PLXDC2: variants seen among roughly 807,000 people sequenced by gnomAD.
The protein encoded by PLXDC2 is plexin domain containing 2, also known as plexin domain-containing protein 2.
Under a neutral mutation model 68.9 loss-of-function variants are expected in PLXDC2, and 40 were observed. That is an observed-to-expected ratio of 0.58 (90% confidence interval 0.45 to 0.76). The LOEUF (loss-of-function observed/expected upper bound fraction) is 0.76. Ranked by LOEUF, PLXDC2 falls within the 30% of genes least tolerant of loss-of-function variation. The pLI is 0.00. For missense variants in PLXDC2, 644 were observed against 661.9 expected (o/e 0.97, Z 0.30); for synonymous variants, 243 against 234.2 (o/e 1.04, Z -0.34).
chr10:19,906,206 G>A (rs1197807729), intron 1 of PLXDC2, among the ~76,000 whole-genome samples: 1 of 152,100 alleles, frequency 6.6e-6, no homozygotes, highest in Non-Finnish European at 1.5e-5. Context: ...ATGCGTGTGT[G>A]TTGTAAGATG....
chr10:19,942,690 G>A (rs372832875), intron 1 of PLXDC2, among the ~76,000 whole-genome samples: 96 of 152,144 alleles, frequency 6.3e-4, no homozygotes, highest in Non-Finnish European at 1.2e-3. Flanking sequence ...CTTGAACCTG[G>A]GAGGCGGAGG....
intron 12 of PLXDC2, among the ~76,000 whole-genome samples, chr10:20,244,842 GC>G (rs1443821077): frequency 1.3e-5 from 2 of 152,186 alleles, no homozygotes; most frequent in African/African-American, 4.8e-5. Context: ...CAGGCCAGGT[GC>G]GGTGGCTCAC....
chr10:20,047,273 G>T lies in PLXDC2; in HGVS notation c.471+258G>T, dbSNP rs564908225. 1.6e-4 allele frequency among the ~76,000 whole-genome samples: 24 copies of T among 152,226 alleles called. No homozygotes were observed. The South Asian group carries it at 5.0e-3, about 32-fold the overall frequency. The stretch of plus-strand genomic sequence containing the variant: ...AACCAATTTTCTCAGTATATCTGAT[G>T]AATGTATATTGGATTCTAAATTGAG... On this transcript the variant is annotated intron_variant, in intron 3 of 13. Coordinates refer to ENST00000377252, the MANE Select transcript of PLXDC2 (RefSeq NM_032812.9).
At chr10:20,006,483 T>A (rs1835030401) in intron 2 of PLXDC2, among the ~76,000 whole-genome samples, 3 of 152,174 alleles carry the variant, frequency 2.0e-5, no homozygotes, top group African/African-American at 4.8e-5. Context: ...ATTATGTGTA[T>A]CACAGTGAGA....
At chr10:19,974,277 A>G (rs1834412007) in intron 1 of PLXDC2, among the ~76,000 whole-genome samples, 1 of 152,230 alleles carries the variant, frequency 6.6e-6, no homozygotes, top group Non-Finnish European at 1.5e-5. Context: ...CACAATCTTC[A>G]ACAAAATCAA....
At chr10:20,094,209 A>G (rs1833318108) in intron 4 of PLXDC2, among the ~76,000 whole-genome samples, 1 of 152,236 alleles carries the variant, frequency 6.6e-6, no homozygotes, top group Non-Finnish European at 1.5e-5. Context: ...GTAAAGGAAC[A>G]TCCTACCATG....
At chr10:19,984,563 C>G (rs1280897656) in intron 1 of PLXDC2, among the ~76,000 whole-genome samples, 3 of 152,118 alleles carry the variant, frequency 2.0e-5, no homozygotes, top group Admixed American at 6.5e-5. Flanking sequence ...TTAATTTATT[C>G]TAGAAGGGAT....
intron 1 of PLXDC2, among the ~76,000 whole-genome samples, chr10:19,863,590 G>A (rs1317155626): frequency 6.6e-6 from 1 of 152,160 alleles, no homozygotes; most frequent in Non-Finnish European, 1.5e-5. Context: ...TAACTCCAAG[G>A]ATGGAATTTT....
intron 2 of PLXDC2, among the ~76,000 whole-genome samples, chr10:20,008,755 G>C (rs1210536927): frequency 6.6e-6 from 1 of 152,014 alleles, no homozygotes; most frequent in Non-Finnish European, 1.5e-5. Context: ...AGACCCAGTG[G>C]GAAATCACTG....
intron 2 of PLXDC2, among the ~76,000 whole-genome samples, chr10:20,025,509 G>A (rs1392619561): frequency 6.6e-6 from 1 of 152,054 alleles, no homozygotes. Flanking sequence ...TGATCTGCCT[G>A]CCTTGACCTC....
At position 19,988,518 on chromosome 10, in the gene PLXDC2, G is replaced by A. The variant is rs74122132; in HGVS notation, c.113-13257G>A. Among the ~76,000 whole-genome samples the A allele has an allele frequency of 5.3e-3, 806 of 152,124 alleles. 4 individuals are homozygous for A. Among genetic ancestry groups the A allele is most frequent in the African/African-American group, 0.019 (773 of 41,500 alleles). ...TTCAAAAATATATATTTACTTAATA[G>A]TGGATTCAAGGACTAGCATACTTCA... is the stretch of plus-strand genomic sequence containing the variant. On this transcript the variant is annotated intron_variant, in intron 1 of 13. Coordinates refer to ENST00000377252, the MANE Select transcript of PLXDC2 (RefSeq NM_032812.9).
At chr10:20,274,628 A>G (rs562164190) in intron 13 of PLXDC2, among the ~76,000 whole-genome samples, 4 of 152,314 alleles carry the variant, frequency 2.6e-5, no homozygotes, top group South Asian at 2.1e-4. Context: ...CCACACGAGC[A>G]ATTACAATGC....
At chr10:19,846,954 A>T (rs1045117557) in intron 1 of PLXDC2, among the ~76,000 whole-genome samples, 1 of 152,098 alleles carries the variant, frequency 6.6e-6, no homozygotes, top group Non-Finnish European at 1.5e-5. Flanking sequence ...GGCAAGAGAG[A>T]GCGTGTGCAG....
intron 1 of PLXDC2, among the ~76,000 whole-genome samples, chr10:19,823,277 A>G (rs1453076898): frequency 1.3e-5 from 2 of 152,132 alleles, no homozygotes; most frequent in African/African-American, 4.8e-5. Context: ...GTGGTGTTTC[A>G]TTTCACTGAA....
At chr10:19,820,464 T>C (rs1836442630) in intron 1 of PLXDC2, among the ~76,000 whole-genome samples, 1 of 150,722 alleles carries the variant, frequency 6.6e-6, no homozygotes, top group African/African-American at 2.4e-5. Flanking sequence ...ACCCCGTCTC[T>C]ACTAAAAATA....
intron 1 of PLXDC2, among the ~76,000 whole-genome samples, chr10:19,988,957 G>A (rs1313653939): frequency 1.3e-5 from 2 of 151,548 alleles, no homozygotes; most frequent in Non-Finnish European, 2.9e-5. Flanking sequence ...CACCACACCT[G>A]GCTAAATTTT....
chr10:20,022,991 A>C (rs1260636301), intron 2 of PLXDC2, among the ~76,000 whole-genome samples: 1 of 151,552 alleles, frequency 6.6e-6, no homozygotes, highest in African/African-American at 2.4e-5. Flanking sequence ...ACACTGTGGC[A>C]GTGGCCACTG....
chr10:19,921,872 T>C (rs1429947972), intron 1 of PLXDC2, among the ~76,000 whole-genome samples: 3 of 152,124 alleles, frequency 2.0e-5, no homozygotes, highest in Admixed American at 2.0e-4. Context: ...ATTTTTTTAT[T>C]TTTTTGAGAC....
chr10:19,933,008 G>T (rs1833666252), intron 1 of PLXDC2, among the ~76,000 whole-genome samples: 1 of 152,094 alleles, frequency 6.6e-6, no homozygotes, highest in South Asian at 2.1e-4. Context: ...CCAAAGAGAG[G>T]TTAGGTAATA....
Sources: allele counts gnomAD v4.1 joint callset (sites outside exome capture counted in the v4.1 genomes callset), GRCh38; gene constraint gnomAD v4.1.1; transcripts MANE v1.5; gene names NCBI Gene and HGNC (gene_info 2026-07-23, HGNC 2026-07-21).